Variants in LRCH3 observed in about 807,000 individuals in gnomAD.
LRCH3 encodes the protein leucine rich repeats and calponin homology domain containing 3.
LRCH3 carries 68 observed loss-of-function variants against 104.5 expected under a neutral mutation model. The ratio of observed to expected loss-of-function variants is 0.65; its 90% CI spans 0.54 to 0.80. The LOEUF is 0.80. LRCH3 is among the 30% of genes least tolerant of loss of function. LRCH3 has a pLI of 0.00. For missense variants in LRCH3, 951 were observed against 953.9 expected (o/e 1.00, Z 0.04); for synonymous variants, 344 against 361.3 (o/e 0.95, Z 0.54).
intron 17 of LRCH3, among the ~76,000 whole-genome samples, chr3:197,869,251 G>A (rs562965203): frequency 4.0e-5 from 6 of 150,224 alleles, no homozygotes; most frequent in Admixed American, 2.0e-4. Context: ...AGTAGAAAGC[G>A]ATACACTGTA....
intron 1 of LRCH3, among the ~76,000 whole-genome samples, chr3:197,791,761 G>A (rs1373472591): frequency 6.6e-6 from 1 of 152,196 alleles, no homozygotes; most frequent in South Asian, 2.1e-4. Flanking sequence ...GGGGAAGGGG[G>A]CCGGAGTGAT....
chr3:197,793,814 C>G (rs1353640319), intron 1 of LRCH3, among the ~76,000 whole-genome samples: 1 of 152,064 alleles, frequency 6.6e-6, no homozygotes, highest in Admixed American at 6.6e-5. Context: ...ATTTTATAAG[C>G]TATTAGACTA....
chr3:197,878,063 T>TG (rs1466334748), intron 20 of LRCH3, among the ~76,000 whole-genome samples: 1 of 152,194 alleles, frequency 6.6e-6, no homozygotes, highest in Non-Finnish European at 1.5e-5. Flanking sequence ...AAACATCCAG[T>TG]GTCTGCTCTA....
intron 20 of LRCH3, chr3:197,880,460 G>C (rs561003221): frequency 1.3e-5 from 17 of 1,341,402 alleles, no homozygotes; most frequent in Non-Finnish European, 1.8e-5. Context: ...CTGCATTTCT[G>C]ATCCACTGAC....
rs561861905 is a variant in LRCH3, at chr3:197,882,817, C to T, written c.2209-724C>T. 3.3e-5 allele frequency: 33 copies of T among 985,364 alleles called. No individual in the cohort carries two copies. In the South Asian group the frequency reaches 1.3e-3, roughly 39 times the overall value. 61.0% of individuals were successfully genotyped at this position (985,364 alleles called of 1,614,324 possible). ...ATGTTGGTAATCAACATGTTCCTGC[C>T]TAAGCTTACATAGTAGTTCCCTGGA... On this transcript the variant is annotated intron_variant, in intron 20 of 20. Coordinates refer to ENST00000425562, the MANE Select transcript of LRCH3 (RefSeq NM_001365715.1).
At chr3:197,834,126 C>T (rs1254249005) in intron 8 of LRCH3, among the ~76,000 whole-genome samples, 2 of 152,110 alleles carry the variant, frequency 1.3e-5, no homozygotes, top group Non-Finnish European at 2.9e-5. Flanking sequence ...GCCTGTAGAA[C>T]GTCATGAAGT....
rs556526797 is a variant in LRCH3 at position 197,856,299 on chromosome 3, C to T, written c.1644+1854C>T. Among the ~76,000 whole-genome samples, 8 of 152,008 alleles carry T rather than the reference C, an allele frequency of 5.3e-5. No individual in the cohort carries two copies. Among genetic ancestry groups the T allele is most frequent in the African/African-American group, 9.6e-5 (4 of 41,462 alleles). ...CAGTGCGTTTGATGAAAAGGAGGCC[C>T]GGGAAGTATACATAGTGTATTACTG... On this transcript the variant is annotated intron_variant, in intron 14 of 20. Coordinates refer to ENST00000425562, the MANE Select transcript of LRCH3 (RefSeq NM_001365715.1). The surrounding 1 kb of genome is among the most constrained non-coding windows in gnomAD (Gnocchi z 4.2).
intron 20 of LRCH3, among the ~76,000 whole-genome samples, chr3:197,879,371 G>A (rs770558348): frequency 1.1e-4 from 16 of 152,182 alleles, no homozygotes; most frequent in Non-Finnish European, 2.2e-4. Context: ...CCCTGGCCGG[G>A]CGCGGTGGCT....
chr3:197,825,694 T>C, intron 4 of LRCH3, among the ~76,000 whole-genome samples: 1 of 151,770 alleles, frequency 6.6e-6, no homozygotes, highest in East Asian at 1.9e-4. Flanking sequence ...TTAGCCAGGA[T>C]GGTCTCGATC....
chr3:197,804,264 A>G (rs1433602701), intron 1 of LRCH3, among the ~76,000 whole-genome samples: 1 of 144,818 alleles, frequency 6.9e-6, no homozygotes, highest in Non-Finnish European at 1.5e-5. Flanking sequence ...TCAAAAAAAG[A>G]AAAAAAAAAA....
intron 1 of LRCH3, among the ~76,000 whole-genome samples, chr3:197,798,242 C>T (rs903764922): frequency 3.3e-5 from 5 of 151,776 alleles, no homozygotes; most frequent in Non-Finnish European, 5.9e-5. Flanking sequence ...GTATGGGCAA[C>T]AGAGTGAGAC....
rs1738552636 is a variant in LRCH3, at chr3:197,845,591, G to T, written c.1329-1818G>T. ...GCACTAGAAAGTGCTTAAGAAAGTA[G>T]AAAGAAAGTGTGTATTAAAAAATTG... On this transcript the variant is annotated intron_variant, in intron 10 of 20. Transcript: ENST00000425562. Among the ~76,000 whole-genome samples, 4 of 151,964 alleles carry T rather than the reference G, an allele frequency of 2.6e-5. No individual in the cohort carries two copies. In the South Asian group the frequency reaches 8.3e-4, roughly 32 times the overall value.
At chr3:197,871,285 T>A (rs1265724748) in intron 18 of LRCH3, 40 bp from the exon 19 acceptor site, 84 of 1,503,184 alleles carry the variant, frequency 5.6e-5, no homozygotes, top group Non-Finnish European at 7.6e-5. Flanking sequence ...TATGTCAGTC[T>A]TTCTTCAATT....
chr3:197,842,186 A>G lies in LRCH3; in HGVS notation c.1328+2789A>G, dbSNP rs560421405. 5.9e-5 allele frequency among the ~76,000 whole-genome samples: 9 copies of G among 152,086 alleles called. No individual in the cohort carries two copies. In the South Asian group the frequency reaches 1.9e-3, roughly 32 times the overall value. ...TCCATAGCACAGTCCTTGGATAAGA[A>G]CTCCATACTTGATCCTAGTAACCAG... On this transcript the variant is annotated intron_variant, in intron 10 of 20. Coordinates refer to ENST00000425562, the MANE Select transcript of LRCH3 (RefSeq NM_001365715.1).
intron 9 of LRCH3, among the ~76,000 whole-genome samples, chr3:197,836,532 T>C (rs1736821244): frequency 6.6e-6 from 1 of 152,192 alleles, no homozygotes; most frequent in South Asian, 2.1e-4. Flanking sequence ...CAGTGATTAT[T>C]TGAGAAACAC....
rs142817187 is a variant in LRCH3 at position 197,865,860 on chromosome 3, G to A, written c.1766-252G>A. ...AAGTGAACAACAGCCGTAGGTCTGCGGGAGACTGTTCAATATGATAACATT... is the reference window on the plus strand; with the variant it reads ...AAGTGAACAACAGCCGTAGGTCTGCAGGAGACTGTTCAATATGATAACATT... On this transcript the variant is annotated intron_variant, in intron 16 of 20. Coordinates refer to ENST00000425562, the MANE Select transcript of LRCH3 (RefSeq NM_001365715.1). Among the ~76,000 whole-genome samples, 490 of 151,830 alleles carry A rather than the reference G, an allele frequency of 3.2e-3. 3 individuals carry two copies. Among genetic ancestry groups the A allele is most frequent in the African/African-American group, 0.01 (428 of 41,386 alleles).
chr3:197,846,070 A>G (rs967160346), intron 10 of LRCH3, among the ~76,000 whole-genome samples: 2 of 152,118 alleles, frequency 1.3e-5, no homozygotes, highest in Non-Finnish European at 2.9e-5. Flanking sequence ...GAAATTAGTA[A>G]TCTAGGGAGA....
At chr3:197,811,366 A>G (rs1315065083) in intron 1 of LRCH3, among the ~76,000 whole-genome samples, 1 of 152,152 alleles carries the variant, frequency 6.6e-6, no homozygotes, top group Non-Finnish European at 1.5e-5. Flanking sequence ...TATTATTCCT[A>G]TAATATTCTT....
intron 14 of LRCH3, among the ~76,000 whole-genome samples, chr3:197,858,278 G>A (rs1740505679): frequency 6.6e-6 from 1 of 152,050 alleles, no homozygotes; most frequent in Non-Finnish European, 1.5e-5. Flanking sequence ...TGTTATGTTG[G>A]TTGGTGAAAG....
Sources: gnomAD v4.1 joint callset for allele counts (sites outside exome capture counted in the v4.1 genomes callset) on GRCh38, gnomAD v4.1.1 for gene constraint, Gnocchi (gnomAD v3.1) non-coding constraint, MANE v1.5 for transcripts, NCBI Gene and HGNC (gene_info 2026-07-23, HGNC 2026-07-21) for gene names.